Variants in BAG2 observed in about 807,000 individuals in gnomAD.
The protein encoded by BAG2 is BAG family molecular chaperone regulator 2.
BAG2 carries 8 observed loss-of-function variants against 16.4 expected under a neutral mutation model. That is an observed-to-expected ratio of 0.49 (90% CI 0.29 to 0.88). The LOEUF (loss-of-function observed/expected upper bound fraction) is 0.88, where lower values mean the gene tolerates loss of function less well. Among genes scored for constraint, BAG2 ranks in the 40% least tolerant of loss-of-function variants. BAG2 has a pLI of 0.09. For missense variants in BAG2, 218 were observed against 248.9 expected (o/e 0.88, Z 0.84); for synonymous variants, 82 against 89.2 (o/e 0.92, Z 0.46).
At position 57,186,667 on chromosome 6, in the gene BAG2, T is replaced by A. The variant is rs1764621112; in HGVS notation, c.*2477T>A. The stretch of plus-strand genomic sequence containing the variant: ...TTATTTATAAGAATGGGAGTATAAT[T>A]TATTTTCAAATGATGATGAATCTCC... On this transcript the variant is annotated 3_prime_UTR_variant, in exon 3 of 3. Coordinates refer to ENST00000370693, the MANE Select transcript of BAG2 (RefSeq NM_004282.4). 1 of 152,184 alleles carries A rather than the reference T, an allele frequency of 6.6e-6. No homozygotes were observed. The highest frequency in any genetic ancestry group is 2.4e-5 in the African/African-American group (1 of 41,448). The allele number at this position is 152,184 out of a possible 1,614,324, so 9.4% of individuals were successfully genotyped here. A position where few individuals can be genotyped will look rare whatever the true frequency, so the allele number is the denominator to read the frequency against.
At chr6:57,172,979 G>C (rs1764169701) in intron 1 of BAG2, 169 bp downstream of exon 1, 2 of 707,928 alleles carry the variant, frequency 2.8e-6, no homozygotes, top group Non-Finnish European at 4.2e-6. Flanking sequence ...GTGTAGTTTT[G>C]TTTGTTTCTT....
In BAG2 at chr6:57,189,608, A is replaced by C. The variant is rs1764753539; in HGVS notation, c.*5418A>C. 6.6e-6 allele frequency: 1 copy of C among 152,610 alleles called. No individual in the cohort carries two copies. Among genetic ancestry groups the C allele is most frequent in the Non-Finnish European group, 1.5e-5 (1 of 68,052 alleles). The allele number at this position is 152,610 out of a possible 1,614,324, so 9.5% of individuals were successfully genotyped here. ...AGATCTGCAATAAGGCTCACCTGGG[A>C]GATGCTCTAGCATTCAAATTCCTAT... is the stretch of plus-strand genomic sequence containing the variant. On this transcript the variant is annotated 3_prime_UTR_variant, in exon 3 of 3. Transcript: ENST00000370693.
intron 1 of BAG2, 52 bp downstream of exon 1, chr6:57,172,862 CGCGGGCGGTTA>C (rs749358101): frequency 2.2e-6 from 3 of 1,382,832 alleles, no homozygotes; most frequent in East Asian, 3.0e-5. Context: ...GCGGGCGGTT[CGCGGGCGGTTA>C]GCGGACGGAG....
intron 1 of BAG2, among the ~76,000 whole-genome samples, chr6:57,178,167 A>G (rs150326738): frequency 7.2e-5 from 11 of 152,338 alleles, no homozygotes; most frequent in Admixed American, 4.6e-4. Flanking sequence ...AACATGAAGG[A>G]TAAAGTGAGA....
chr6:57,172,888 C>T, intron 1 of BAG2, 78 bp downstream of exon 1: 2 of 1,247,592 alleles, frequency 1.6e-6, no homozygotes, highest in African/African-American at 1.6e-5. Flanking sequence ...ACGGAGGCCG[C>T]GTGTGGCGGG....
chr6:57,187,221 T>TAACA lies in BAG2; in HGVS notation c.*3032_*3035dup, dbSNP rs915608715. ...TTTTTGCTTTTAAAAGACCATTTAC[T>TAACA]AACATCCTACTGTAGATATTTCGAG... On this transcript the variant is annotated 3_prime_UTR_variant, in exon 3 of 3. Coordinates refer to ENST00000370693, the MANE Select transcript of BAG2 (RefSeq NM_004282.4). 2.0e-5 allele frequency: 3 copies of TAACA among 152,210 alleles called. No individual in the cohort carries two copies. The highest frequency in any genetic ancestry group is 6.5e-5 in the Admixed American group (1 of 15,272). The allele number at this position is 152,210 out of a possible 1,614,324, so 9.4% of individuals were successfully genotyped here.
intron 1 of BAG2, chr6:57,173,568 T>C (rs1764192105): frequency 2.3e-6 from 2 of 874,018 alleles, no homozygotes; most frequent in Non-Finnish European, 2.7e-6. Context: ...TATTTGGTAA[T>C]ACAGTAGTAG....
intron 1 of BAG2, among the ~76,000 whole-genome samples, chr6:57,174,857 A>G (rs1337233573): frequency 2.0e-5 from 3 of 152,230 alleles, no homozygotes; most frequent in Non-Finnish European, 4.4e-5. Context: ...CTAATAAAGT[A>G]GTGTAACTGT....
intron 1 of BAG2, among the ~76,000 whole-genome samples, chr6:57,175,047 T>C (rs1310022571): frequency 6.6e-6 from 1 of 152,218 alleles, no homozygotes; most frequent in Non-Finnish European, 1.5e-5. Flanking sequence ...TCCATTTATC[T>C]CTAATGGAAT....
Position 57,184,277 on chromosome 6 carries a change from TATAAC to T in BAG2, c.*88_*92del. 8.0e-7 allele frequency: 1 copy of T among 1,246,474 alleles called. No individual in the cohort carries two copies. The allele number at this position is 1,246,474 out of a possible 1,614,324, so 77.2% of individuals were successfully genotyped here. A position where few individuals can be genotyped will look rare whatever the true frequency, so the allele number is the denominator to read the frequency against. On this transcript the variant is annotated 3_prime_UTR_variant, in exon 3 of 3. Transcript: ENST00000370693. ...AATTGATAACTAGTTCTTTGTTAGGTATAACCACTTAGTTGACACTGATAGTTGTT... is the reference window on the plus strand; with the variant it reads ...AATTGATAACTAGTTCTTTGTTAGGTCACTTAGTTGACACTGATAGTTGTT...
chr6:57,184,004 A>G lies in BAG2; in HGVS notation c.450A>G (p.Pro150=), dbSNP rs752549218. The change falls in exon 3 of 3, where the codon CCA becomes CCG. Residue 150 remains proline, a synonymous_variant. Coordinates refer to ENST00000370693, the MANE Select transcript of BAG2 (RefSeq NM_004282.4). The part of the protein sequence containing the change: ...SACSSEVPHG[P]VDQKFQSIVI... ...GTTCATCTGAGGTGCCACATGGGCCAGTTGATCAGAAGTTTCAATCCATAG... is the reference window on the plus strand; with the variant it reads ...GTTCATCTGAGGTGCCACATGGGCCGGTTGATCAGAAGTTTCAATCCATAG... 4.3e-6 allele frequency: 7 copies of G among 1,612,706 alleles called. No homozygotes were observed. In the South Asian group the frequency reaches 5.5e-5, roughly 13 times the overall value.
chr6:57,173,444 G>A, intron 1 of BAG2: 1 of 985,352 alleles, frequency 1.0e-6, no homozygotes, highest in Non-Finnish European at 1.2e-6. Flanking sequence ...GGGATTCAGC[G>A]GTTCCGTTCG....
intron 1 of BAG2, 29 bp downstream of exon 1, chr6:57,172,839 T>C: frequency 6.9e-7 from 1 of 1,448,018 alleles, no homozygotes; most frequent in South Asian, 1.4e-5. Flanking sequence ...GTCTCGGGCG[T>C]TCTGCTCGCC....
At chr6:57,175,595 A>T (rs949838986) in intron 1 of BAG2, among the ~76,000 whole-genome samples, 3 of 152,174 alleles carry the variant, frequency 2.0e-5, no homozygotes, top group Non-Finnish European at 4.4e-5. Context: ...AGTCTGTTAG[A>T]GTGAGGGCAT....
rs761834986 is a variant in BAG2, at chr6:57,187,685, T to G, written c.*3495T>G. On this transcript the variant is annotated 3_prime_UTR_variant, in exon 3 of 3. Transcript: ENST00000370693. ...ATTAGGTCCTAAGGCCAACTCCCTA[T>G]TCTAAGGTCTTCAGAAAAGGTCCAG... The G allele has an allele frequency of 4.6e-5, 7 of 152,178 alleles. No homozygotes were observed. Among genetic ancestry groups the G allele is most frequent in the Admixed American group, 3.3e-4 (5 of 15,280 alleles). 9.4% of individuals were successfully genotyped at this position (152,178 alleles called of 1,614,324 possible). A position where few individuals can be genotyped will look rare whatever the true frequency, so the allele number is the denominator to read the frequency against.
chr6:57,179,330 G>T (rs1764372813), intron 1 of BAG2, among the ~76,000 whole-genome samples: 1 of 152,114 alleles, frequency 6.6e-6, no homozygotes, highest in Non-Finnish European at 1.5e-5. Flanking sequence ...ATTCTTCCCA[G>T]TTCTTTGCTT....
chr6:57,184,153 A>G lies in BAG2; in HGVS notation c.599A>G (p.Lys200Arg). The change falls in exon 3 of 3, where the codon AAA (lysine) becomes AGA (arginine). Residue 200 changes from lysine to arginine, a missense_variant. Physicochemically the swap from Lys to Arg is conservative, Grantham distance 26. This residue lies in a region of BAG2 where 113 missense variants were observed against 128.0 expected (regional missense o/e 0.88). Transcript: ENST00000370693. ...LLEHSKGAGS[K>R]TLQQNAESRF... is the part of the protein sequence containing the mutation. ...GAGCATTCTAAAGGAGCTGGTTCCAAAACTCTGCAACAAAATGCTGAAAGC... is the reference window on the plus strand; with the variant it reads ...GAGCATTCTAAAGGAGCTGGTTCCAGAACTCTGCAACAAAATGCTGAAAGC... The G allele has an allele frequency of 6.4e-7, 1 of 1,562,090 alleles. No individual in the cohort carries two copies. The highest frequency in any genetic ancestry group is 1.2e-5 in the South Asian group (1 of 80,524).
chr6:57,174,458 T>C (rs1011595556), intron 1 of BAG2: 8 of 1,201,782 alleles, frequency 6.7e-6, no homozygotes, highest in African/African-American at 1.6e-5. Flanking sequence ...TTGAATATTA[T>C]TATATTCTAC....
intron 1 of BAG2, among the ~76,000 whole-genome samples, chr6:57,178,300 G>C (rs138921957): frequency 3.3e-5 from 5 of 152,156 alleles, no homozygotes; most frequent in African/African-American, 9.7e-5. Context: ...GACAAAAGAC[G>C]TGTATATGAG....
Sources: allele counts gnomAD v4.1 joint callset (sites outside exome capture counted in the v4.1 genomes callset), GRCh38; gene constraint gnomAD v4.1.1; regional missense constraint gnomAD v4.1.1; transcripts MANE v1.5; gene names NCBI Gene and HGNC (gene_info 2026-07-23, HGNC 2026-07-21).